MAP7D1: variants seen among roughly 807,000 people sequenced by gnomAD.
MAP7D1 encodes MAP7 domain containing 1.
Under a neutral mutation model 97.5 loss-of-function variants are expected in MAP7D1, and 30 were observed. The observed-to-expected ratio is 0.31, with a 90% confidence interval of 0.23 to 0.42. MAP7D1 has a LOEUF of 0.42. Ranked by LOEUF, MAP7D1 falls within the 10% of genes least tolerant of loss-of-function variation. MAP7D1 has a pLI of 1.00. For missense variants in MAP7D1, 1,184 were observed against 1,179.5 expected, an observed-to-expected ratio of 1.00 and a Z score of -0.06; for synonymous variants, 536 against 477.1, an observed-to-expected ratio of 1.12 and a Z score of -1.61.
intron 1 of MAP7D1, among the ~76,000 whole-genome samples, chr1:36,162,703 C>G (rs1644428832): frequency 6.6e-6 from 1 of 152,152 alleles, no homozygotes; most frequent in South Asian, 2.1e-4. Flanking sequence ...TGGGGACATG[C>G]AGGTTCTGAG....
chr1:36,171,348 C>G, intron 2 of MAP7D1, 33 bp downstream of exon 2: 1 of 1,546,572 alleles, frequency 6.5e-7, no homozygotes, highest in South Asian at 1.2e-5. Context: ...GGGCCTAAAC[C>G]TCTTGGCTCA....
At chr1:36,177,715 A>G (rs1644648069) in intron 8 of MAP7D1, 158 bp from the exon 9 acceptor site, 2 of 1,071,122 alleles carry the variant, frequency 1.9e-6, no homozygotes, top group Non-Finnish European at 2.6e-6. Context: ...ACTGGGGTGT[A>G]TGCTCTAAAA....
intron 1 of MAP7D1, among the ~76,000 whole-genome samples, chr1:36,165,456 T>G (rs1644462083): frequency 6.6e-6 from 1 of 151,206 alleles, no homozygotes; most frequent in South Asian, 2.1e-4. Flanking sequence ...TTTCTTTTTT[T>G]TCTTTTTCTT....
intron 8 of MAP7D1, 43 bp from the exon 9 acceptor site, chr1:36,177,830 G>C: frequency 6.6e-7 from 1 of 1,521,130 alleles, no homozygotes; most frequent in Non-Finnish European, 8.8e-7. Flanking sequence ...CAGCGTGTGG[G>C]TGTGTGTGTC....
At chr1:36,179,142 G>A (rs1644678520) in intron 12 of MAP7D1, 117 bp downstream of exon 12, 2 of 1,488,384 alleles carry the variant, frequency 1.3e-6, no homozygotes, top group African/African-American at 2.8e-5. Flanking sequence ...TCCAGTTCCT[G>A]TCCTGGAGAG....
At position 36,156,457 on chromosome 1, in the gene MAP7D1, C is replaced by G; in HGVS notation, c.40C>G (p.Pro14Ala). 1 of 1,466,826 alleles carries G rather than the reference C, an allele frequency of 6.8e-7. No individual in the cohort carries two copies. The highest frequency in any genetic ancestry group is 9.0e-7 in the Non-Finnish European group (1 of 1,116,886). 90.9% of individuals were successfully genotyped at this position (1,466,826 alleles called of 1,614,324 possible). ...GPRAELGAGA[P>A]PAVVARTPPE... ...GCGTGCGGAGCTGGGGGCGGGCGCA[C>G]CCCCAGGTATGCCGGGAGCCACGCG... is the stretch of plus-strand genomic sequence containing the variant. The change falls in exon 1 of 17, where the codon CCC becomes GCC. Residue 14 changes from proline to alanine, a missense_variant. Transcript: ENST00000474796.
At chr1:36,179,615 C>G in intron 14 of MAP7D1, 51 bp from the exon 15 acceptor site, 1 of 1,550,612 alleles carries the variant, frequency 6.4e-7, no homozygotes, top group Non-Finnish European at 8.7e-7. Context: ...CTCCTCCATC[C>G]TCACCTCTCT....
chr1:36,176,444 T>A lies in MAP7D1; in HGVS notation c.1096T>A (p.Ser366Thr). 3 of 1,515,576 alleles carry A rather than the reference T, an allele frequency of 2.0e-6. No homozygotes were observed. Among genetic ancestry groups the A allele is most frequent in the Admixed American group, 2.0e-5 (1 of 50,070 alleles). The allele number at this position is 1,515,576 out of a possible 1,614,324, so 93.9% of individuals were successfully genotyped here. ...AAVPVCPRSA[S>T]ASPLTPCSVT... ...CGTGCCGGTGTGCCCGCGCTCGGCCTCCGCCAGCCCCCTGACGCCGTGCAG... is the reference window on the plus strand; with the variant it reads ...CGTGCCGGTGTGCCCGCGCTCGGCCACCGCCAGCCCCCTGACGCCGTGCAG... Residue 366 changes from serine (S) to threonine (T), a missense_variant, in exon 7 of 17, where the codon TCC becomes ACC. Coordinates refer to ENST00000474796, the MANE Select transcript of MAP7D1 (RefSeq NM_001388490.1). This position sits in a 1 kb window ranked among gnomAD's most constrained non-coding sequence, Gnocchi z 6.1.
chr1:36,177,096 G>A (rs1040379951), intron 8 of MAP7D1, among the ~76,000 whole-genome samples: 6 of 151,954 alleles, frequency 3.9e-5, no homozygotes, highest in South Asian at 2.1e-4. Context: ...GGCTACAGGC[G>A]CGCCACCACG....
chr1:36,168,109 A>G (rs1055416205), intron 1 of MAP7D1, among the ~76,000 whole-genome samples: 5 of 152,070 alleles, frequency 3.3e-5, no homozygotes, highest in Non-Finnish European at 7.4e-5. Flanking sequence ...AGCCTGGCCA[A>G]CATGGTGAAA....
In MAP7D1 at chr1:36,159,203, G is replaced by T. The variant is rs272830; in HGVS notation, c.46+2740G>T. On this transcript the variant is annotated intron_variant, in intron 1 of 16. Coordinates refer to ENST00000474796, the MANE Select transcript of MAP7D1 (RefSeq NM_001388490.1). This position sits in a 1 kb window ranked among gnomAD's most constrained non-coding sequence, Gnocchi z 5.4. ...CTCCCGAGTAGCTGGGATTACAGGC[G>T]CCTGCCACCGCGCCCGGCTAATTTT... is the stretch of plus-strand genomic sequence containing the variant. Among the ~76,000 whole-genome samples, 2 of 151,958 alleles carry T rather than the reference G, an allele frequency of 1.3e-5. No individual in the cohort carries two copies. The highest frequency in any genetic ancestry group is 2.9e-5 in the Non-Finnish European group (2 of 68,002).
At chr1:36,160,881 G>A (rs990342343) in intron 1 of MAP7D1, among the ~76,000 whole-genome samples, 2 of 152,224 alleles carry the variant, frequency 1.3e-5, no homozygotes, top group Non-Finnish European at 2.9e-5. Context: ...GGAAGGCCCC[G>A]GACCCAGGTG....
At chr1:36,178,383 G>T in intron 9 of MAP7D1, 36 bp from the exon 10 acceptor site, 1 of 1,591,764 alleles carries the variant, frequency 6.3e-7, no homozygotes, top group East Asian at 2.3e-5. Context: ...GTGTCTGCGT[G>T]GGTGTGCTGA....
Position 36,180,064 on chromosome 1 carries a change from A to G in MAP7D1, c.2509A>G (p.Thr837Ala). 6.2e-7 allele frequency: 1 copy of G among 1,613,710 alleles called. No homozygotes were observed. Among genetic ancestry groups the G allele is most frequent in the Non-Finnish European group, 8.5e-7 (1 of 1,179,754 alleles). The stretch of plus-strand genomic sequence containing the variant: ...AGCTGTGGTGCAGTCCCCGCAGGTC[A>G]CAGGTAGATCTCCTGATTCCTGGAC... The part of the protein sequence containing the change: ...KKAVVQSPQV[T>A]EVL Residue 837 changes from threonine (T) to alanine (A), a missense_variant, in exon 16 of 17, where the codon ACA (threonine) becomes GCA (alanine). Physicochemically the swap from Thr to Ala is moderately conservative, Grantham distance 58. Coordinates refer to ENST00000474796, the MANE Select transcript of MAP7D1 (RefSeq NM_001388490.1).
intron 15 of MAP7D1, 58 bp from the exon 16 acceptor site, chr1:36,179,816 G>A (rs1644690828): frequency 1.3e-6 from 2 of 1,568,120 alleles, no homozygotes; most frequent in East Asian, 2.3e-5. Flanking sequence ...TGGAGCTGCG[G>A]GGTGGCCTGG....
intron 1 of MAP7D1, among the ~76,000 whole-genome samples, chr1:36,169,880 G>T (rs1415827234): frequency 1.3e-5 from 2 of 152,212 alleles, no homozygotes; most frequent in Admixed American, 6.5e-5. Flanking sequence ...TGTAATCCCA[G>T]CTACTTGGGA....
rs1444949613 is a variant in MAP7D1 at position 36,172,522 on chromosome 1, G to T, written c.519G>T (p.Lys173Asn). ...AGAAGGCCAAGGCGCTGCGGGAGAA[G>T]CAGCTCCAGGAGCGCCGGCGCCGGC... is the stretch of plus-strand genomic sequence containing the variant. ...KEEKAKALRE[K>N]QLQERRRRLE... Residue 173 changes from lysine (K) to asparagine (N), a missense_variant, in exon 4 of 17, where the codon AAG becomes AAT. Coordinates refer to ENST00000474796, the MANE Select transcript of MAP7D1 (RefSeq NM_001388490.1). 1 of 1,602,654 alleles carries T rather than the reference G, an allele frequency of 6.2e-7. No individual in the cohort carries two copies. The highest frequency in any genetic ancestry group is 1.1e-5 in the South Asian group (1 of 90,550).
Position 36,171,029 on chromosome 1 carries a change from C to A in MAP7D1, c.105C>A (p.Pro35=), listed in dbSNP as rs1644535108. ...PRPSPEGDPS[P]PPPPMSALVP... is the part of the protein sequence containing the mutation. ...CTTCTCCAGAAGGTGACCCTTCCCC[C>A]CCACCACCACCAATGTCAGCCCTGG... Residue 35 remains proline, a synonymous_variant, in exon 2 of 17, where the codon CCC becomes CCA. Transcript: ENST00000474796. 5 of 1,569,324 alleles carry A rather than the reference C, an allele frequency of 3.2e-6. No homozygotes were observed. Among genetic ancestry groups the A allele is most frequent in the South Asian group, 1.1e-5 (1 of 89,520 alleles).
Position 36,178,422 on chromosome 1 carries a change from C to G in MAP7D1, c.1712C>G (p.Ala571Gly). The G allele has an allele frequency of 6.2e-7, 1 of 1,610,082 alleles. No homozygotes were observed. Among genetic ancestry groups the G allele is most frequent in the Non-Finnish European group, 8.5e-7 (1 of 1,179,000 alleles). The change falls in exon 10 of 17, where the codon GCT becomes GGT. Residue 571 changes from alanine (A) to glycine (G), a missense_variant. Physicochemically the swap from Ala to Gly is moderately conservative, Grantham distance 60. Transcript: ENST00000474796. ...CTGATCCCGGATCCCCCTCCAGACG[C>G]TGCTGTCTTGACCTCACCCCCAGCC... is the stretch of plus-strand genomic sequence containing the variant. ...EQPPAETPTD[A>G]AVLTSPPAPA...
Sources: gnomAD v4.1 joint callset for allele counts (sites outside exome capture counted in the v4.1 genomes callset) on GRCh38, gnomAD v4.1.1 for gene constraint, Gnocchi (gnomAD v3.1) non-coding constraint, MANE v1.5 for transcripts, NCBI Gene and HGNC (gene_info 2026-07-23, HGNC 2026-07-21) for gene names.